The following SEMA6D variants were observed in gnomAD, a reference collection of about 807,000 sequenced individuals.
The protein encoded by SEMA6D is semaphorin-6D.
A neutral mutation model predicts 106.6 loss-of-function variants in SEMA6D; 35 were observed. The ratio of observed to expected loss-of-function variants is 0.33; its 90% confidence interval spans 0.25 to 0.44. SEMA6D has a LOEUF of 0.44. SEMA6D is among the 20% of genes least tolerant of loss of function. SEMA6D has a pLI of 1.00. For synonymous variants in SEMA6D, 499 were observed against 487.7 expected (o/e 1.02, Z -0.31); for missense variants, 1,185 against 1,345.9 (o/e 0.88, Z 1.87).
intron 1 of SEMA6D, among the ~76,000 whole-genome samples, chr15:47,344,693 T>G (rs986638722): frequency 2.6e-5 from 4 of 152,294 alleles, no homozygotes; most frequent in South Asian, 2.1e-4. Context: ...TATTGGTCAG[T>G]GCAATGTTGT....
chr15:47,522,380 T>C (rs917692304), intron 3 of SEMA6D, among the ~76,000 whole-genome samples: 1 of 152,208 alleles, frequency 6.6e-6, no homozygotes, highest in African/African-American at 2.4e-5. Context: ...TTTCCCACAA[T>C]TATAAATCAT....
intron 2 of SEMA6D, among the ~76,000 whole-genome samples, chr15:47,449,121 G>C (rs1173160919): frequency 1.3e-5 from 2 of 152,000 alleles, no homozygotes; most frequent in African/African-American, 4.8e-5. Context: ...CTTGCTTCCT[G>C]TCTTGGTGAC....
intron 1 of SEMA6D, among the ~76,000 whole-genome samples, chr15:47,734,186 T>A (rs2080310861): frequency 6.6e-6 from 1 of 152,246 alleles, no homozygotes; most frequent in Admixed American, 6.5e-5. Flanking sequence ...AGTAGTAATT[T>A]TTAAGATCCC....
At chr15:47,362,853 T>C (rs1307637243) in intron 1 of SEMA6D, among the ~76,000 whole-genome samples, 1 of 152,088 alleles carries the variant, frequency 6.6e-6, no homozygotes, top group South Asian at 2.1e-4. Flanking sequence ...TTATAGAGAG[T>C]GTGAGCTTCC....
At chr15:47,438,343 A>G (rs939187307) in intron 2 of SEMA6D, among the ~76,000 whole-genome samples, 6 of 152,006 alleles carry the variant, frequency 3.9e-5, no homozygotes, top group Admixed American at 1.3e-4. Context: ...CCTAGAACCC[A>G]TCTCAACACA....
At position 47,684,607 on chromosome 15, in the gene SEMA6D, G is replaced by A. The variant is rs1225239752; in HGVS notation, c.-54-75138G>A. Among the ~76,000 whole-genome samples, 4 of 152,104 alleles carry A rather than the reference G, an allele frequency of 2.6e-5. No individual in the cohort carries two copies. In the East Asian group the frequency reaches 7.7e-4, roughly 29 times the overall value. On this transcript the variant is annotated intron_variant, in intron 4 of 19. Coordinates refer to the SEMA6D transcript ENST00000558014. Reference sequence around the variant, plus strand: ...TAATAATGCCCAGTACATACCAGGAGCTCAATGACATTTGCTGAATAAATG... The same window carrying A: ...TAATAATGCCCAGTACATACCAGGAACTCAATGACATTTGCTGAATAAATG...
At chr15:47,474,671 G>A (rs2042953307) in intron 3 of SEMA6D, among the ~76,000 whole-genome samples, 1 of 152,174 alleles carries the variant, frequency 6.6e-6, no homozygotes, top group East Asian at 1.9e-4. Context: ...GAGGCACTAA[G>A]TCTTCGTTAT....
chr15:47,718,063 G>A (rs897050537), intron 1 of SEMA6D, among the ~76,000 whole-genome samples: 5 of 152,146 alleles, frequency 3.3e-5, no homozygotes, highest in Non-Finnish European at 7.4e-5. Flanking sequence ...AAAGCGGAGG[G>A]GGCATCAAGT....
intron 3 of SEMA6D, among the ~76,000 whole-genome samples, chr15:47,508,355 A>G (rs2044118856): frequency 6.6e-6 from 1 of 152,204 alleles, no homozygotes; most frequent in Non-Finnish European, 1.5e-5. Flanking sequence ...TTGGCATTGC[A>G]AAATGTTCAG....
chr15:47,185,799 C>T (rs904927356), intron 1 of SEMA6D: 4 of 152,090 alleles, frequency 2.6e-5, no homozygotes, highest in African/African-American at 9.7e-5. Context: ...GACTTTCTTC[C>T]ATTCTTTAAA....
At chr15:47,254,878 TGTG>T (rs1566954008) in intron 1 of SEMA6D, among the ~76,000 whole-genome samples, 8 of 135,036 alleles carry the variant, frequency 5.9e-5, no homozygotes, top group African/African-American at 2.3e-4. Context: ...TGTGGTTTTG[TGTG>T]TGTGTGTGTG....
At chr15:47,217,177 T>G (rs548623687) in intron 1 of SEMA6D, among the ~76,000 whole-genome samples, 2 of 152,314 alleles carry the variant, frequency 1.3e-5, no homozygotes, top group Admixed American at 6.5e-5. Context: ...TATGGTATTT[T>G]GTTATAGCAG....
chr15:47,689,895 C>T (rs530305012), intron 4 of SEMA6D, among the ~76,000 whole-genome samples: 36 of 152,340 alleles, frequency 2.4e-4, no homozygotes, highest in Admixed American at 1.3e-4. Context: ...TCATCATCAT[C>T]TCTTTCCTAT....
At chr15:47,450,855 C>A (rs1013113096) in intron 2 of SEMA6D, among the ~76,000 whole-genome samples, 4 of 151,996 alleles carry the variant, frequency 2.6e-5, no homozygotes, top group African/African-American at 9.7e-5. Flanking sequence ...CCAAGGGGAA[C>A]CCTACAATAT....
chr15:47,592,031 AG>A (rs1265181314), intron 3 of SEMA6D, among the ~76,000 whole-genome samples: 1 of 152,164 alleles, frequency 6.6e-6, no homozygotes, highest in Non-Finnish European at 1.5e-5. Flanking sequence ...ATCCTGGGGG[AG>A]CAGTTGTTTC....
intron 4 of SEMA6D, among the ~76,000 whole-genome samples, chr15:47,602,026 A>G (rs1192432981): frequency 6.6e-6 from 1 of 152,168 alleles, no homozygotes; most frequent in Non-Finnish European, 1.5e-5. Flanking sequence ...TGCTACCCCC[A>G]TATTGAGTTC....
chr15:47,220,741 G>A (rs997220027), intron 1 of SEMA6D, among the ~76,000 whole-genome samples: 1 of 152,198 alleles, frequency 6.6e-6, no homozygotes, highest in African/African-American at 2.4e-5. Context: ...ACAGGTATTT[G>A]CAAACTAGCG....
intron 1 of SEMA6D, among the ~76,000 whole-genome samples, chr15:47,227,780 T>C (rs1162079514): frequency 6.7e-6 from 1 of 149,916 alleles, no homozygotes; most frequent in Non-Finnish European, 1.5e-5. Flanking sequence ...ATAATTCTAA[T>C]GATATATGAC....
In SEMA6D at chr15:47,760,097, A is replaced by G. The variant is rs1377494759; in HGVS notation, c.109+190A>G. 4 of 637,536 alleles carry G rather than the reference A, an allele frequency of 6.3e-6. No homozygotes were observed. In the Admixed American group the frequency reaches 8.8e-5, roughly 14 times the overall value. 39.5% of individuals were successfully genotyped at this position (637,536 alleles called of 1,614,324 possible). ...GGGCAGTTTTGTTGGGTGCTTTTCT[A>G]CAGCAACCTGTATATAGGTTATATA... On this transcript the variant is annotated intron_variant, in intron 2 of 18. Coordinates refer to ENST00000536845, the MANE Select transcript of SEMA6D (RefSeq NM_001358351.3).
Sources: allele counts gnomAD v4.1 joint callset (sites outside exome capture counted in the v4.1 genomes callset), GRCh38; gene constraint gnomAD v4.1.1; transcripts MANE v1.5; gene names NCBI Gene and HGNC (gene_info 2026-07-23, HGNC 2026-07-21).